Variants in RIN2 observed in about 807,000 individuals in gnomAD.
RIN2 encodes RAB5 interacting protein 2.
RIN2 carries 36 observed loss-of-function variants against 78.0 expected under a neutral mutation model. That is an observed-to-expected ratio of 0.46 (90% CI 0.35 to 0.61). The LOEUF (loss-of-function observed/expected upper bound fraction) is 0.61, where lower values mean the gene tolerates loss of function less well. Among genes scored for constraint, RIN2 ranks in the 20% least tolerant of loss-of-function variants. RIN2 has a pLI of 0.00. For missense variants in RIN2, 1,087 were observed against 1,159.7 expected (o/e 0.94, Z 0.91); for synonymous variants, 466 against 466.8 (o/e 1.00, Z 0.02).
At chr20:19,921,820 G>A (rs567758371) in intron 3 of RIN2, among the ~76,000 whole-genome samples, 1 of 151,926 alleles carries the variant, frequency 6.6e-6, no homozygotes, top group South Asian at 2.1e-4. Flanking sequence ...ATCAGGTGAA[G>A]TCCCCTAAGG....
At chr20:19,804,896 T>A (rs67151294) in intron 2 of RIN2, among the ~76,000 whole-genome samples, 16,145 of 152,242 alleles carry the variant, frequency 0.11, 917 homozygotes, top group South Asian at 0.18. Context: ...AGGCTATTTA[T>A]GACTCCCTCA....
rs368180718 is a variant in RIN2, at chr20:20,000,885, T to A, written c.2637T>A (p.Asp879Glu). The A allele has an allele frequency of 7.9e-5, 128 of 1,613,600 alleles. No homozygotes were observed. Among genetic ancestry groups the A allele is most frequent in the Non-Finnish European group, 1.0e-4 (119 of 1,179,762 alleles). The change falls in exon 13 of 13, where the codon GAT (aspartate) becomes GAA (glutamate). Residue 879 changes from aspartate (D) to glutamate (E), a missense_variant. Transcript: ENST00000255006. ...FHFVYKRIKN[D>E]PYGIIFQNGE... The stretch of plus-strand genomic sequence containing the variant: ...TTGTCTACAAACGCATCAAGAACGA[T>A]CCTTATGGCATCATTTTCCAGAACG...
chr20:19,844,669 C>CTTCCT (rs1232176696), intron 2 of RIN2, among the ~76,000 whole-genome samples: 9 of 76,166 alleles, frequency 1.2e-4, no homozygotes, highest in African/African-American at 5.6e-4. Context: ...TCTTCTTCTT[C>CTTCCT]CTTCTTCTTC....
At position 19,864,759 on chromosome 20, in the gene RIN2, G is replaced by A. The variant is rs1404518748; in HGVS notation, c.-36-24807G>A. Among the ~76,000 whole-genome samples, 4 of 152,088 alleles carry A rather than the reference G, an allele frequency of 2.6e-5. No individual in the cohort carries two copies. The East Asian group carries it at 5.8e-4, about 22-fold the overall frequency. Reference sequence around the variant, plus strand: ...CTGCTGAAATAGGCTACATATACTCGCTGCCTGTGATACAAAACTGGTTAC... The same window carrying A: ...CTGCTGAAATAGGCTACATATACTCACTGCCTGTGATACAAAACTGGTTAC... On this transcript the variant is annotated intron_variant, in intron 2 of 12. Coordinates refer to ENST00000255006, the MANE Select transcript of RIN2 (RefSeq NM_018993.4).
chr20:19,766,913 GAAAAAAAAA>G (rs749280521), intron 1 of RIN2, among the ~76,000 whole-genome samples: 2 of 109,042 alleles, frequency 1.8e-5, no homozygotes, highest in African/African-American at 6.5e-5. Flanking sequence ...CTCCATCTCA[GAAAAAAAAA>G]AAAAAGAAAA....
intron 2 of RIN2, among the ~76,000 whole-genome samples, chr20:19,840,546 A>G (rs76237765): frequency 0.012 from 1,780 of 152,328 alleles, 11 homozygotes; most frequent in Non-Finnish European, 0.014. Context: ...CATTGTTGAC[A>G]TAGCCTGTTC....
rs779349021 is a variant in RIN2, at chr20:20,000,826, C to T, written c.2578C>T (p.Leu860=). Residue 860 remains leucine (L), a synonymous_variant, in exon 13 of 13, where the codon CTG becomes TTG. Transcript: ENST00000255006. ...DTYPQKIKAE[L]HSRPQPHIFH... is the part of the protein sequence containing the mutation. ...TTACCCTCAAAAAATCAAGGCGGAG[C>T]TGCACAGCCGACCACAGCCCCACAT... The T allele has an allele frequency of 6.2e-7, 1 of 1,614,008 alleles. No individual in the cohort carries two copies. Among genetic ancestry groups the T allele is most frequent in the Non-Finnish European group, 8.5e-7 (1 of 1,179,888 alleles).
chr20:19,874,823 A>G (rs116509145), intron 2 of RIN2, among the ~76,000 whole-genome samples: 2,249 of 151,278 alleles, frequency 0.015, 68 homozygotes, highest in African/African-American at 0.052. Flanking sequence ...GGGAATATAG[A>G]TACACTTTTA....
At chr20:19,772,664 T>C (rs1481533875) in intron 1 of RIN2, among the ~76,000 whole-genome samples, 1 of 152,240 alleles carries the variant, frequency 6.6e-6, no homozygotes. Context: ...GCCAGACCTC[T>C]GTTCAGGACT....
intron 2 of RIN2, among the ~76,000 whole-genome samples, chr20:19,887,304 C>T (rs1197119825): frequency 1.3e-5 from 2 of 152,086 alleles, no homozygotes; most frequent in Non-Finnish European, 2.9e-5. Context: ...TCATGAGCCA[C>T]TGCACAGACC....
chr20:19,956,929 G>A (rs771658167), intron 5 of RIN2, 122 bp downstream of exon 5: 14 of 793,014 alleles, frequency 1.8e-5, no homozygotes, highest in Non-Finnish European at 2.7e-5. Context: ...GTCTCTTGAT[G>A]TGTAACTGGT....
At chr20:19,847,492 G>A (rs558670553) in intron 2 of RIN2, among the ~76,000 whole-genome samples, 17 of 152,284 alleles carry the variant, frequency 1.1e-4, no homozygotes, top group African/African-American at 3.4e-4. Flanking sequence ...TCAACAAGAG[G>A]GTAGAGGTGC....
intron 1 of RIN2, among the ~76,000 whole-genome samples, chr20:19,786,672 T>A (rs999003185): frequency 1.3e-5 from 2 of 152,182 alleles, no homozygotes; most frequent in African/African-American, 4.8e-5. Flanking sequence ...CAATAGATAA[T>A]GAGGATGCAT....
intron 3 of RIN2, among the ~76,000 whole-genome samples, chr20:19,901,514 T>A (rs2038982710): frequency 6.6e-6 from 1 of 152,152 alleles, no homozygotes; most frequent in Non-Finnish European, 1.5e-5. Context: ...GGGGCGGCTC[T>A]TCCCCCTGCC....
chr20:19,911,050 A>G (rs1235195568), intron 3 of RIN2, among the ~76,000 whole-genome samples: 1 of 139,154 alleles, frequency 7.2e-6, no homozygotes, highest in Non-Finnish European at 1.5e-5. Flanking sequence ...TTATATAAAT[A>G]TGTAAATTTT....
intron 11 of RIN2, among the ~76,000 whole-genome samples, chr20:19,995,270 A>AC (rs2042921569): frequency 6.6e-6 from 1 of 151,372 alleles, no homozygotes; most frequent in Non-Finnish European, 1.5e-5. Flanking sequence ...TTAAAAAAAA[A>AC]AAAAAAAACA....
At chr20:19,781,636 C>T (rs1477759718) in intron 1 of RIN2, among the ~76,000 whole-genome samples, 1 of 152,182 alleles carries the variant, frequency 6.6e-6, no homozygotes, top group Admixed American at 6.5e-5. Context: ...CCATGTTGGC[C>T]AGGCTGGTCT....
intron 8 of RIN2, among the ~76,000 whole-genome samples, chr20:19,972,343 C>T (rs1324486030): frequency 2.0e-5 from 3 of 152,136 alleles, no homozygotes; most frequent in Non-Finnish European, 4.4e-5. Context: ...TCTGATGGTC[C>T]ACAGGCTTAG....
intron 3 of RIN2, among the ~76,000 whole-genome samples, chr20:19,911,767 T>A (rs1003882974): frequency 6.6e-6 from 1 of 152,260 alleles, no homozygotes; most frequent in African/African-American, 2.4e-5. Context: ...GTCACATACA[T>A]GCAGAAAGTG....
Sources: allele counts gnomAD v4.1 joint callset (sites outside exome capture counted in the v4.1 genomes callset), GRCh38; gene constraint gnomAD v4.1.1; transcripts MANE v1.5; gene names NCBI Gene and HGNC (gene_info 2026-07-23, HGNC 2026-07-21).